Variants in SYT1 observed in about 807,000 individuals in gnomAD.
SYT1 encodes the protein synaptotagmin-1.
In SYT1, 8 loss-of-function variants were observed where a neutral mutation model predicts 44.8. The ratio of observed to expected loss-of-function variants is 0.18; its 90% confidence interval spans 0.10 to 0.32. SYT1 has a LOEUF of 0.32. Ranked by LOEUF, SYT1 falls within the 10% of genes least tolerant of loss-of-function variation. The pLI, the probability that SYT1 is intolerant of heterozygous loss-of-function variation, is 1.00. For missense variants in SYT1, 286 were observed against 509.3 expected (o/e 0.56, Z 4.22); for synonymous variants, 154 against 188.8 (o/e 0.82, Z 1.51).
intron 8 of SYT1, among the ~76,000 whole-genome samples, chr12:79,318,003 T>C (rs1341431887): frequency 6.6e-6 from 1 of 152,124 alleles, no homozygotes; most frequent in Non-Finnish European, 1.5e-5. Flanking sequence ...CTGTGAAGAA[T>C]TGCCCCAAAT....
At chr12:79,228,467 C>CT (rs1442462862) in intron 4 of SYT1, among the ~76,000 whole-genome samples, 1 of 152,038 alleles carries the variant, frequency 6.6e-6, no homozygotes, top group Non-Finnish European at 1.5e-5. Context: ...CACTATTGGC[C>CT]TTCATCTACT....
At chr12:79,215,049 C>T (rs1874701134) in intron 3 of SYT1, among the ~76,000 whole-genome samples, 1 of 151,688 alleles carries the variant, frequency 6.6e-6, no homozygotes, top group African/African-American at 2.4e-5. Context: ...CAGTTTTACC[C>T]AAGTTGTATC....
chr12:79,426,902 CAGTG>C (rs1469968111), intron 9 of SYT1, among the ~76,000 whole-genome samples: 8 of 152,122 alleles, frequency 5.3e-5, no homozygotes, highest in African/African-American at 1.9e-4. Flanking sequence ...GTCCTCATGA[CAGTG>C]AGTGAGTCTC....
chr12:78,873,657 ACTTATCT>A (rs1040890635), intron 1 of SYT1, among the ~76,000 whole-genome samples: 1 of 151,576 alleles, frequency 6.6e-6, no homozygotes, highest in African/African-American at 2.4e-5. Context: ...AACTCTCCAA[ACTTATCT>A]CTTATTATTC....
chr12:78,988,933 G>A (rs1300890292), intron 2 of SYT1, among the ~76,000 whole-genome samples: 3 of 152,104 alleles, frequency 2.0e-5, no homozygotes, highest in Non-Finnish European at 4.4e-5. Context: ...ACCAGAGTTG[G>A]TAATTTTGAT....
rs545096601 is a variant in SYT1 at position 78,891,582 on chromosome 12, G to A, written c.-217+26473G>A. The stretch of plus-strand genomic sequence containing the variant: ...TGTTACTGAATTTTAAAGTCTCCAC[G>A]GTGAAATGATGGTTAACTAACATTT... On this transcript the variant is annotated intron_variant, in intron 1 of 10. Transcript: ENST00000261205. Among the ~76,000 whole-genome samples, 8 of 151,952 alleles carry A rather than the reference G, an allele frequency of 5.3e-5. No homozygotes were observed. The South Asian group carries it at 1.2e-3, about 24-fold the overall frequency.
intron 4 of SYT1, among the ~76,000 whole-genome samples, chr12:79,268,809 T>C (rs1352271970): frequency 6.6e-6 from 1 of 152,182 alleles, no homozygotes; most frequent in Non-Finnish European, 1.5e-5. Context: ...TCTACTATGA[T>C]AGAAAAATCT....
intron 3 of SYT1, among the ~76,000 whole-genome samples, chr12:79,057,265 T>A (rs1460610124): frequency 6.6e-6 from 1 of 152,178 alleles, no homozygotes; most frequent in East Asian, 1.9e-4. Context: ...AATTGCTTAA[T>A]CCTGTGATTG....
chr12:79,081,862 T>G (rs1877058293), intron 3 of SYT1, among the ~76,000 whole-genome samples: 1 of 152,200 alleles, frequency 6.6e-6, no homozygotes, highest in Non-Finnish European at 1.5e-5. Flanking sequence ...CAGGAGCTTC[T>G]AAGAGCACAA....
chr12:79,402,153 A>C (rs1299804279), intron 9 of SYT1, among the ~76,000 whole-genome samples: 1 of 151,990 alleles, frequency 6.6e-6, no homozygotes, highest in African/African-American at 2.4e-5. Context: ...GTCAGTCTAC[A>C]CTCCACCCAT....
At chr12:78,924,799 T>G (rs1335114392) in intron 1 of SYT1, among the ~76,000 whole-genome samples, 1 of 151,356 alleles carries the variant, frequency 6.6e-6, no homozygotes, top group African/African-American at 2.4e-5. Flanking sequence ...TGGCACAAGA[T>G]GAGGTTTCAT....
rs148565918 is a variant in SYT1, at chr12:79,174,516, A to C, written c.-17-42987A>C. On this transcript the variant is annotated intron_variant, in intron 3 of 10. Coordinates refer to ENST00000261205, the MANE Select transcript of SYT1 (RefSeq NM_005639.3). Reference sequence around the variant, plus strand: ...GAGAATTTATTACAATGTGCAATAAAATGTAGCTAGTCAGTAACATATGAT... The same window carrying C: ...GAGAATTTATTACAATGTGCAATAACATGTAGCTAGTCAGTAACATATGAT... Among the ~76,000 whole-genome samples the C allele has an allele frequency of 8.1e-3, 1,226 of 152,174 alleles. 6 individuals carry two copies. Among genetic ancestry groups the C allele is most frequent in the Middle Eastern group, 0.037 (11 of 294 alleles).
chr12:79,448,947 C>T lies in SYT1; in HGVS notation c.1092C>T (p.Asp364=). 1 of 1,614,160 alleles carries T rather than the reference C, an allele frequency of 6.2e-7. No individual in the cohort carries two copies. The highest frequency in any genetic ancestry group is 8.5e-7 in the Non-Finnish European group (1 of 1,180,028). ...TGCAGGTGGTGGTAACTGTTTTGGACTATGACAAGATTGGCAAGAACGATG... is the reference window on the plus strand; with the variant it reads ...TGCAGGTGGTGGTAACTGTTTTGGATTATGACAAGATTGGCAAGAACGATG... ...QKVQVVVTVL[D]YDKIGKNDAI... The change falls in exon 11 of 11, where the codon GAC becomes GAT. Residue 364 remains aspartate, a synonymous_variant. Transcript: ENST00000261205.
At chr12:79,313,722 C>T (rs11609774) in intron 8 of SYT1, among the ~76,000 whole-genome samples, 34,953 of 151,854 alleles carry the variant, frequency 0.23, 5,053 homozygotes, top group East Asian at 0.46. Flanking sequence ...ACCATGACTC[C>T]GCTTACTACT....
chr12:79,349,306 T>A (rs1233959758), intron 8 of SYT1, among the ~76,000 whole-genome samples: 1 of 151,728 alleles, frequency 6.6e-6, no homozygotes, highest in East Asian at 1.9e-4. Context: ...AGAAAGGAAA[T>A]GGAGATGAGT....
chr12:79,162,406 A>T (rs1336537972), intron 3 of SYT1, among the ~76,000 whole-genome samples: 1 of 152,158 alleles, frequency 6.6e-6, no homozygotes, highest in Non-Finnish European at 1.5e-5. Context: ...TCGAAATTTA[A>T]TATTTCCAAT....
intron 2 of SYT1, among the ~76,000 whole-genome samples, chr12:79,008,749 T>G (rs927129403): frequency 4.6e-5 from 7 of 152,108 alleles, no homozygotes; most frequent in African/African-American, 1.7e-4. Flanking sequence ...CTCAGCCACC[T>G]CCCTTTGCTT....
At chr12:79,010,145 T>C (rs1247330362) in intron 2 of SYT1, among the ~76,000 whole-genome samples, 1 of 152,174 alleles carries the variant, frequency 6.6e-6, no homozygotes, top group Non-Finnish European at 1.5e-5. Flanking sequence ...AATATCTTCC[T>C]AGTATGATGG....
intron 1 of SYT1, among the ~76,000 whole-genome samples, chr12:78,908,859 T>C (rs1876145262): frequency 6.6e-6 from 1 of 151,956 alleles, no homozygotes; most frequent in South Asian, 2.1e-4. Context: ...TTTTACTTCA[T>C]TTGGGATTGA....
Sources: gnomAD v4.1 joint callset for allele counts (sites outside exome capture counted in the v4.1 genomes callset) on GRCh38, gnomAD v4.1.1 for gene constraint, MANE v1.5 for transcripts, NCBI Gene and HGNC (gene_info 2026-07-23, HGNC 2026-07-21) for gene names.